SUPT3H: variants seen among roughly 807,000 people sequenced by gnomAD.
SUPT3H encodes the protein transcription initiation protein SPT3 homolog.
A neutral mutation model predicts 44.3 loss-of-function variants in SUPT3H; 44 were observed. The ratio of observed to expected loss-of-function variants is 0.99; its 90% CI spans 0.78 to 1.28. The LOEUF (loss-of-function observed/expected upper bound fraction) is 1.28. SUPT3H is among the 50% of genes most tolerant of loss of function. SUPT3H has a pLI of 0.00. For synonymous variants in SUPT3H, 124 were observed against 125.6 expected (o/e 0.99, Z 0.09); for missense variants, 380 against 387.1 (o/e 0.98, Z 0.15).
rs1277746896 is a variant in SUPT3H, at chr6:45,128,571, CACACACACACACAT to C, written c.102-22579_102-22566del. ...ATATATATATATACACACACACACA[CACACACACACACAT>C]ACACATATATATATATACACACATA... On this transcript the variant is annotated intron_variant, in intron 2 of 10. Transcript: ENST00000371459. Among the ~76,000 whole-genome samples the C allele has an allele frequency of 9.6e-5, 12 of 125,258 alleles. No individual in the cohort carries two copies. In the East Asian group the frequency reaches 2.6e-3, roughly 27 times the overall value. The allele number at this position is 125,258 out of a possible 152,430, so 82.2% of individuals were successfully genotyped here.
At chr6:45,111,267 G>A (rs958413599) in intron 2 of SUPT3H, among the ~76,000 whole-genome samples, 2 of 152,016 alleles carry the variant, frequency 1.3e-5, no homozygotes, top group African/African-American at 4.8e-5. Flanking sequence ...TCCTGACCTC[G>A]TGATCTGCCC....
intron 10 of SUPT3H, among the ~76,000 whole-genome samples, chr6:44,904,485 G>T (rs560525010): frequency 6.6e-6 from 1 of 152,132 alleles, no homozygotes; most frequent in Non-Finnish European, 1.5e-5. Flanking sequence ...CCTCTTCAAG[G>T]AGAAGTACAA....
At chr6:45,168,589 C>T (rs969137405) in intron 2 of SUPT3H, among the ~76,000 whole-genome samples, 4 of 152,132 alleles carry the variant, frequency 2.6e-5, no homozygotes, top group Admixed American at 2.6e-4. Context: ...GGGGATCACA[C>T]AGTAAATCAG....
At chr6:45,309,998 TG>T (rs1783698321) in intron 2 of SUPT3H, among the ~76,000 whole-genome samples, 1 of 152,182 alleles carries the variant, frequency 6.6e-6, no homozygotes, top group Non-Finnish European at 1.5e-5. Flanking sequence ...CTGCAGTACC[TG>T]GGAGACACCT....
chr6:44,946,001 T>G (rs565439137), intron 9 of SUPT3H, among the ~76,000 whole-genome samples: 3 of 152,176 alleles, frequency 2.0e-5, no homozygotes, highest in Non-Finnish European at 4.4e-5. Context: ...AAGTTTTAGC[T>G]AGTGTTCATG....
chr6:45,262,295 T>G lies in SUPT3H; in HGVS notation c.101+102906A>C, dbSNP rs1774498608. 2.0e-5 allele frequency among the ~76,000 whole-genome samples: 3 copies of G among 151,604 alleles called. No homozygotes were observed. In the South Asian group the frequency reaches 6.2e-4, roughly 32 times the overall value. Reference sequence around the variant, plus strand: ...ATTCTAAGCAAAAAGAAAAGCATATTACTGGCACAAAAACAGATACACAGA... The same window carrying G: ...ATTCTAAGCAAAAAGAAAAGCATATGACTGGCACAAAAACAGATACACAGA... On this transcript the variant is annotated intron_variant, in intron 2 of 10. Coordinates refer to ENST00000371459, the MANE Select transcript of SUPT3H (RefSeq NM_003599.4).
chr6:45,303,446 A>T (rs1488160951), intron 2 of SUPT3H, among the ~76,000 whole-genome samples: 4 of 152,190 alleles, frequency 2.6e-5, no homozygotes, highest in Non-Finnish European at 5.9e-5. Context: ...CAATCCCATC[A>T]AAAAGTGGGC....
At chr6:45,032,590 T>C (rs1787110196) in intron 3 of SUPT3H, among the ~76,000 whole-genome samples, 2 of 152,154 alleles carry the variant, frequency 1.3e-5, no homozygotes, top group East Asian at 1.9e-4. Context: ...GGGAGATTCA[T>C]TCACATCAGG....
intron 2 of SUPT3H, among the ~76,000 whole-genome samples, chr6:45,127,381 G>A (rs1802603461): frequency 6.6e-6 from 1 of 152,022 alleles, no homozygotes; most frequent in African/African-American, 2.4e-5. Context: ...ATCATACAGT[G>A]ACATCATACA....
intron 2 of SUPT3H, among the ~76,000 whole-genome samples, chr6:45,322,711 G>C (rs984936048): frequency 1.3e-5 from 2 of 151,940 alleles, no homozygotes; most frequent in Non-Finnish European, 2.9e-5. Flanking sequence ...TAATGAAACT[G>C]GCATGCAAAT....
chr6:45,141,435 T>C (rs1356551360), intron 2 of SUPT3H, among the ~76,000 whole-genome samples: 1 of 135,968 alleles, frequency 7.4e-6, no homozygotes, highest in Non-Finnish European at 1.6e-5. Context: ...GCAACTTAAA[T>C]AAGTTTTTTT....
At chr6:44,857,964 T>A (rs999352858) in intron 10 of SUPT3H, among the ~76,000 whole-genome samples, 1 of 152,182 alleles carries the variant, frequency 6.6e-6, no homozygotes, top group Non-Finnish European at 1.5e-5. Context: ...TTCATGCTGA[T>A]GAGTCTGTTC....
chr6:45,072,669 A>T (rs1364323163), intron 3 of SUPT3H, among the ~76,000 whole-genome samples: 1 of 152,146 alleles, frequency 6.6e-6, no homozygotes, highest in Admixed American at 6.6e-5. Context: ...ACAGCAGCAA[A>T]AAAAATTGGT....
chr6:45,290,430 T>C (rs1352187558), intron 2 of SUPT3H, among the ~76,000 whole-genome samples: 1 of 127,766 alleles, frequency 7.8e-6, no homozygotes, highest in East Asian at 2.4e-4. Context: ...GAATCTCTTC[T>C]GGAAAAAGAT....
intron 2 of SUPT3H, among the ~76,000 whole-genome samples, chr6:45,297,557 C>G (rs931313527): frequency 1.3e-5 from 2 of 152,208 alleles, no homozygotes; most frequent in African/African-American, 4.8e-5. Flanking sequence ...AGAAGGATTA[C>G]TATAAATATG....
intron 3 of SUPT3H, among the ~76,000 whole-genome samples, chr6:45,047,959 T>G (rs2035626345): frequency 6.6e-6 from 1 of 152,108 alleles, no homozygotes; most frequent in South Asian, 2.1e-4. Flanking sequence ...TATCAAATCT[T>G]TATTCCATTA....
rs375220495 is a variant in SUPT3H, at chr6:44,898,623, T to A, written c.912+34030A>T. 3 of 152,386 alleles carry A rather than the reference T, an allele frequency of 2.0e-5. No homozygotes were observed. The East Asian group carries it at 5.8e-4, about 29-fold the overall frequency. 9.4% of individuals were successfully genotyped at this position (152,386 alleles called of 1,614,324 possible). On this transcript the variant is annotated intron_variant, in intron 10 of 10. Coordinates refer to ENST00000371459, the MANE Select transcript of SUPT3H (RefSeq NM_003599.4). ...GTTCTAAGGTTATTGCTATAATAGA[T>A]ACAATAGAAACCAGGCCTCCCAGCC...
At chr6:45,338,413 G>C (rs1004560435) in intron 2 of SUPT3H, among the ~76,000 whole-genome samples, 2 of 151,760 alleles carry the variant, frequency 1.3e-5, no homozygotes, top group African/African-American at 4.8e-5. Flanking sequence ...AATAAAACTG[G>C]TATCATTTCT....
intron 2 of SUPT3H, among the ~76,000 whole-genome samples, chr6:45,350,731 T>A (rs531470571): frequency 2.6e-4 from 39 of 152,302 alleles, no homozygotes; most frequent in African/African-American, 8.7e-4. Flanking sequence ...CAACAAAAAA[T>A]TTTAAGGATA....
Sources: gnomAD v4.1 joint callset for allele counts (sites outside exome capture counted in the v4.1 genomes callset) on GRCh38, gnomAD v4.1.1 for gene constraint, MANE v1.5 for transcripts, NCBI Gene and HGNC (gene_info 2026-07-23, HGNC 2026-07-21) for gene names.